GALNT13: variants seen among roughly 807,000 people sequenced by gnomAD.
The protein encoded by GALNT13 is polypeptide N-acetylgalactosaminyltransferase 13.
A neutral mutation model predicts 64.2 loss-of-function variants in GALNT13; 28 were observed. That is an observed-to-expected ratio of 0.44 (90% CI 0.32 to 0.60). GALNT13 has a LOEUF of 0.60. Ranked by LOEUF, GALNT13 falls within the 20% of genes least tolerant of loss-of-function variation. The pLI, the probability that GALNT13 is intolerant of heterozygous loss-of-function variation, is 0.05. For missense variants in GALNT13, 577 were observed against 669.8 expected (o/e 0.86, Z 1.53); for synonymous variants, 214 against 224.6 (o/e 0.95, Z 0.42).
intron 11 of GALNT13, chr2:154,437,588 G>C (rs967234918): frequency 7.9e-7 from 1 of 1,263,544 alleles, no homozygotes; most frequent in African/African-American, 1.5e-5. Flanking sequence ...TGGGCATGGC[G>C]GCTCACACCT....
At chr2:153,126,310 A>G in the GALNT13 span, among the ~76,000 whole-genome samples, 101 of 12,784 alleles carry the variant, frequency 7.9e-3, 1 homozygote, top group Middle Eastern at 0.038. Context: ...ATATATATAT[A>G]TATATATATA....
chr2:153,762,175 T>G, the GALNT13 span: 1 of 151,604 alleles, frequency 6.6e-6, no homozygotes, highest in Non-Finnish European at 1.5e-5. Context: ...TTATTTACAG[T>G]CCAGTAACTT....
At chr2:154,287,417 C>T (rs1028721690) in intron 8 of GALNT13, 15 of 451,790 alleles carry the variant, frequency 3.3e-5, no homozygotes, top group South Asian at 2.8e-4. Flanking sequence ...CCTCCAGCTG[C>T]CCCAGTGAGG....
chr2:153,537,934 A>G, the GALNT13 span, among the ~76,000 whole-genome samples: 1 of 152,180 alleles, frequency 6.6e-6, no homozygotes, highest in Admixed American at 6.5e-5. Context: ...ATGTGAATGG[A>G]CTAATATACT....
intron 11 of GALNT13, among the ~76,000 whole-genome samples, chr2:154,414,806 A>G (rs189796622): frequency 2.6e-5 from 4 of 151,922 alleles, no homozygotes; most frequent in African/African-American, 9.6e-5. Flanking sequence ...TTATATACAG[A>G]CTTTTCAAGT....
intron 4 of GALNT13, among the ~76,000 whole-genome samples, chr2:154,146,476 T>A (rs1045206361): frequency 6.6e-5 from 10 of 152,080 alleles, no homozygotes; most frequent in Non-Finnish European, 1.5e-4. Flanking sequence ...AATTGACAAT[T>A]TTAACTATTT....
At chr2:153,162,769 G>C in the GALNT13 span, among the ~76,000 whole-genome samples, 1 of 152,210 alleles carries the variant, frequency 6.6e-6, no homozygotes, top group East Asian at 1.9e-4. Context: ...AATGTAGTGA[G>C]ATGAATATAA....
the GALNT13 span, among the ~76,000 whole-genome samples, chr2:153,231,203 G>T: frequency 0.023 from 3,467 of 152,210 alleles, 151 homozygotes; most frequent in African/African-American, 0.079. Context: ...GACGCATTAG[G>T]TTTCTTCTCT....
intron 9 of GALNT13, among the ~76,000 whole-genome samples, chr2:154,378,915 G>A (rs1243063852): frequency 1.3e-5 from 2 of 151,954 alleles, no homozygotes; most frequent in African/African-American, 2.4e-5. Context: ...ACTTTGGCTT[G>A]GATTGTCAAG....
chr2:153,784,917 T>A, the GALNT13 span, among the ~76,000 whole-genome samples: 1 of 152,132 alleles, frequency 6.6e-6, no homozygotes, highest in Non-Finnish European at 1.5e-5. Flanking sequence ...CTGAGACAAC[T>A]AGGGACTGAA....
the GALNT13 span, among the ~76,000 whole-genome samples, chr2:153,324,058 T>G: frequency 6.6e-6 from 1 of 152,200 alleles, no homozygotes; most frequent in African/African-American, 2.4e-5. Context: ...AAAATAGCAC[T>G]GAATTTATAA....
At chr2:154,181,906 CT>C (rs879312309) in intron 4 of GALNT13, among the ~76,000 whole-genome samples, 28 of 150,742 alleles carry the variant, frequency 1.9e-4, no homozygotes, top group African/African-American at 5.4e-4. Context: ...TTTTCTCTCT[CT>C]TTTTTTTTAT....
At chr2:154,365,883 C>T (rs545146366) in intron 9 of GALNT13, among the ~76,000 whole-genome samples, 17 of 152,258 alleles carry the variant, frequency 1.1e-4, no homozygotes, top group African/African-American at 4.1e-4. Flanking sequence ...TAAGTATTTT[C>T]CTCCACAGAA....
At chr2:153,630,771 A>T in the GALNT13 span, among the ~76,000 whole-genome samples, 1 of 9,072 alleles carries the variant, frequency 1.1e-4, no homozygotes, top group African/African-American at 4.2e-4. Context: ...TCATATATAT[A>T]TATATATATA....
intron 9 of GALNT13, among the ~76,000 whole-genome samples, chr2:154,313,017 T>G (rs1694131529): frequency 6.6e-6 from 1 of 151,852 alleles, no homozygotes; most frequent in Non-Finnish European, 1.5e-5. Context: ...TATTATTTGT[T>G]GAATATTACA....
At chr2:153,169,538 A>G in the GALNT13 span, among the ~76,000 whole-genome samples, 1,203 of 152,316 alleles carry the variant, frequency 7.9e-3, 10 homozygotes, top group African/African-American at 0.026. Flanking sequence ...AGCTGTATTA[A>G]GCCTGGGGGT....
intron 4 of GALNT13, among the ~76,000 whole-genome samples, chr2:154,225,941 T>C (rs555004733): frequency 6.6e-6 from 1 of 152,238 alleles, no homozygotes; most frequent in South Asian, 2.1e-4. Context: ...GGGGATCTTA[T>C]GATCTGTAGT....
At chr2:154,349,567 C>A (rs2105249920) in intron 9 of GALNT13, among the ~76,000 whole-genome samples, 1 of 152,298 alleles carries the variant, frequency 6.6e-6, no homozygotes, top group Non-Finnish European at 1.5e-5. Flanking sequence ...TGCCACAAGT[C>A]ATCTTTTAGT....
At chr2:153,913,786 A>T (rs1051540045) in intron 2 of GALNT13, among the ~76,000 whole-genome samples, 2 of 151,942 alleles carry the variant, frequency 1.3e-5, no homozygotes, top group African/African-American at 4.8e-5. Flanking sequence ...TCAGTCCAGC[A>T]TCTGTGTCTT....
Sources: allele counts gnomAD v4.1 joint callset (sites outside exome capture counted in the v4.1 genomes callset), GRCh38; gene constraint gnomAD v4.1.1; transcripts MANE v1.5; gene names NCBI Gene and HGNC (gene_info 2026-07-23, HGNC 2026-07-21).